UBE2D1: variants seen among roughly 807,000 people sequenced by gnomAD.
UBE2D1 encodes ubiquitin conjugating enzyme E2 D1.
UBE2D1 carries 9 observed loss-of-function variants against 24.6 expected under a neutral mutation model. The ratio of observed to expected loss-of-function variants is 0.37; its 90% CI spans 0.22 to 0.64. The LOEUF (loss-of-function observed/expected upper bound fraction) is 0.64. Ranked by LOEUF, UBE2D1 falls within the 30% of genes least tolerant of loss-of-function variation. The probability of loss-of-function intolerance (pLI) is 0.64; values close to 1 mark genes in which losing one functional copy is unlikely to be tolerated. For synonymous variants in UBE2D1, 57 were observed against 57.6 expected (o/e 0.99, Z 0.04); for missense variants, 87 against 177.1 (o/e 0.49, Z 2.89).
chr10:58,370,490 A>G lies in UBE2D1; in HGVS notation c.*1725A>G, dbSNP rs1840304054. The G allele has an allele frequency of 6.6e-6, 1 of 152,634 alleles. No homozygotes were observed. The highest frequency in any genetic ancestry group is 2.4e-5 in the African/African-American group (1 of 41,458). The allele number at this position is 152,634 out of a possible 1,614,324, so 9.5% of individuals were successfully genotyped here. ...ATGTTTAAGAAAATATAGGCTTAAA[A>G]AGTAAATCTATAAAATGATGTCTTA... On this transcript the variant is annotated 3_prime_UTR_variant, in exon 7 of 7. Transcript: ENST00000373910.
At chr10:58,352,847 TC>T (rs1219944957) in intron 1 of UBE2D1, among the ~76,000 whole-genome samples, 4 of 152,184 alleles carry the variant, frequency 2.6e-5, no homozygotes, top group Admixed American at 2.6e-4. Flanking sequence ...GTAGTTTACA[TC>T]AGTTATTTTT....
chr10:58,359,513 A>C (rs1840171142), intron 1 of UBE2D1, among the ~76,000 whole-genome samples: 1 of 152,198 alleles, frequency 6.6e-6, no homozygotes, highest in Non-Finnish European at 1.5e-5. Flanking sequence ...ATGTTGAACC[A>C]CATTGTTTCT....
chr10:58,358,673 G>T (rs1840159329), intron 1 of UBE2D1, among the ~76,000 whole-genome samples: 1 of 152,130 alleles, frequency 6.6e-6, no homozygotes, highest in Non-Finnish European at 1.5e-5. Flanking sequence ...GAAGTGAGTG[G>T]TGGCACCCAG....
chr10:58,348,356 GT>G (rs1324239124), intron 1 of UBE2D1, among the ~76,000 whole-genome samples: 1 of 152,206 alleles, frequency 6.6e-6, no homozygotes, highest in Non-Finnish European at 1.5e-5. Context: ...CCCATGAAAT[GT>G]TTATTTACAG....
At chr10:58,337,043 A>G (rs989753857) in intron 1 of UBE2D1, among the ~76,000 whole-genome samples, 16 of 152,104 alleles carry the variant, frequency 1.1e-4, no homozygotes, top group African/African-American at 3.6e-4. Context: ...CTCATCAATC[A>G]CCATGCTGAA....
chr10:58,338,340 T>C (rs1215599254), intron 1 of UBE2D1, among the ~76,000 whole-genome samples: 1 of 152,244 alleles, frequency 6.6e-6, no homozygotes. Context: ...AATGATTTAA[T>C]GCTCTGATTT....
intron 5 of UBE2D1, among the ~76,000 whole-genome samples, chr10:58,367,627 G>A (rs1564563165): frequency 6.6e-6 from 1 of 152,034 alleles, no homozygotes; most frequent in Non-Finnish European, 1.5e-5. Flanking sequence ...AAGTTTAAAG[G>A]TTGTTAATAG....
chr10:58,357,177 T>C (rs1317683803), intron 1 of UBE2D1, among the ~76,000 whole-genome samples: 1 of 152,156 alleles, frequency 6.6e-6, no homozygotes, highest in Non-Finnish European at 1.5e-5. Context: ...TAATTCAGTG[T>C]TAATTCTTAC....
At chr10:58,350,055 G>GT (rs142028017) in intron 1 of UBE2D1, among the ~76,000 whole-genome samples, 1 of 152,276 alleles carries the variant, frequency 6.6e-6, no homozygotes, top group African/African-American at 2.4e-5. Flanking sequence ...GTTGCTTCTG[G>GT]TTCGTTCTAC....
chr10:58,362,172 G>A (rs935802353), intron 3 of UBE2D1, among the ~76,000 whole-genome samples: 2 of 152,044 alleles, frequency 1.3e-5, no homozygotes, highest in Admixed American at 6.5e-5. Context: ...CTTTCTATGA[G>A]CAAAAAATCT....
At chr10:58,349,617 G>T (rs1840051591) in intron 1 of UBE2D1, among the ~76,000 whole-genome samples, 1 of 151,032 alleles carries the variant, frequency 6.6e-6, no homozygotes. Context: ...TTTTTTTTAT[G>T]TTATCATTAT....
intron 1 of UBE2D1, among the ~76,000 whole-genome samples, chr10:58,344,424 A>G (rs1190795922): frequency 2.0e-5 from 3 of 152,144 alleles, no homozygotes; most frequent in African/African-American, 7.2e-5. Context: ...CCTCACTTGG[A>G]AACTTAATGG....
intron 1 of UBE2D1, among the ~76,000 whole-genome samples, chr10:58,354,500 A>G (rs927468159): frequency 1.4e-4 from 21 of 152,014 alleles, no homozygotes; most frequent in African/African-American, 4.4e-4. Context: ...AATCCAAAGA[A>G]TTGTTTGTTT....
At chr10:58,346,010 C>CTTT (rs972974578) in intron 1 of UBE2D1, among the ~76,000 whole-genome samples, 1 of 136,496 alleles carries the variant, frequency 7.3e-6, no homozygotes, top group Non-Finnish European at 1.6e-5. Flanking sequence ...GGAGCTAATA[C>CTTT]TTTTTTTTTT....
chr10:58,346,512 A>G (rs980266979), intron 1 of UBE2D1, among the ~76,000 whole-genome samples: 2 of 152,228 alleles, frequency 1.3e-5, no homozygotes, highest in Non-Finnish European at 2.9e-5. Context: ...AAAGTAAAGT[A>G]GATAAAATGA....
In UBE2D1 at chr10:58,361,264, A is replaced by G. The variant is rs1301911487; in HGVS notation, c.25-74A>G. On this transcript the variant is annotated intron_variant, in intron 1 of 6. Coordinates refer to ENST00000373910, the MANE Select transcript of UBE2D1 (RefSeq NM_003338.5). The stretch of plus-strand genomic sequence containing the variant: ...AATGTTTTTAAAGCTAATAGTTTGC[A>G]TCTTAATGGATCATTACCCTTGTTT... The G allele has an allele frequency of 4.1e-6, 6 of 1,462,724 alleles. 1 individual carries two copies. The highest frequency in any genetic ancestry group is 5.7e-6 in the Non-Finnish European group (6 of 1,044,368). 90.6% of individuals were successfully genotyped at this position (1,462,724 alleles called of 1,614,324 possible). A position where few individuals can be genotyped will look rare whatever the true frequency, so the allele number is the denominator to read the frequency against.
intron 4 of UBE2D1, among the ~76,000 whole-genome samples, 175 bp downstream of exon 4, chr10:58,363,861 C>T (rs1227637013): frequency 6.6e-6 from 1 of 152,092 alleles, no homozygotes; most frequent in Non-Finnish European, 1.5e-5. Flanking sequence ...TATTGAAATA[C>T]TGTATTAAGT....
chr10:58,349,957 C>T (rs1840054979), intron 1 of UBE2D1, among the ~76,000 whole-genome samples: 1 of 152,118 alleles, frequency 6.6e-6, no homozygotes, highest in Non-Finnish European at 1.5e-5. Context: ...TAAGATTCAT[C>T]TATATTGTTG....
chr10:58,349,303 C>T (rs1412479215), intron 1 of UBE2D1, among the ~76,000 whole-genome samples: 1 of 152,034 alleles, frequency 6.6e-6, no homozygotes, highest in Non-Finnish European at 1.5e-5. Flanking sequence ...TTCATTGGCA[C>T]AGACTACTTT....
Sources: gnomAD v4.1 joint callset for allele counts (sites outside exome capture counted in the v4.1 genomes callset) on GRCh38, gnomAD v4.1.1 for gene constraint, MANE v1.5 for transcripts, NCBI Gene and HGNC (gene_info 2026-07-23, HGNC 2026-07-21) for gene names.